Variants in POLR1A observed in about 807,000 individuals in gnomAD.
The protein encoded by POLR1A is RNA polymerase I subunit A.
A neutral mutation model predicts 205.3 loss-of-function variants in POLR1A; 84 were observed. The observed-to-expected ratio is 0.41, with a 90% CI of 0.34 to 0.49. The LOEUF (loss-of-function observed/expected upper bound fraction) is 0.49, where lower values mean the gene tolerates loss of function less well. POLR1A is among the 20% of genes least tolerant of loss of function. The pLI is 0.22. For synonymous variants in POLR1A, 799 were observed against 863.7 expected, an observed-to-expected ratio of 0.93 and a Z score of 1.31; for missense variants, 1,645 against 2,204.5, an observed-to-expected ratio of 0.75 and a Z score of 5.08.
At chr2:86,060,411 G>A (rs959467041) in intron 14 of POLR1A, among the ~76,000 whole-genome samples, 6 of 152,140 alleles carry the variant, frequency 3.9e-5, no homozygotes, top group Admixed American at 3.9e-4. Context: ...TATCAAGGCA[G>A]TCTTGAAGAA....
In POLR1A at chr2:86,051,050, A is replaced by C. The variant is rs555226415; in HGVS notation, c.2392+1767T>G. Among the ~76,000 whole-genome samples the C allele has an allele frequency of 4.6e-5, 7 of 152,346 alleles. No individual in the cohort carries two copies. The South Asian group carries it at 1.5e-3, about 32-fold the overall frequency. On this transcript the variant is annotated intron_variant, in intron 16 of 33. Coordinates refer to ENST00000263857, the MANE Select transcript of POLR1A (RefSeq NM_015425.6). ...ATGCTCATCCCAGCAATAATGTGAA[A>C]ATCTGGACGCAGCCTAAATGTTTAA... is the stretch of plus-strand genomic sequence containing the variant.
rs1481490808 is a variant in POLR1A, at chr2:86,033,780, T to G, written c.4042A>C (p.Lys1348Gln). Residue 1348 changes from lysine (K) to glutamine (Q), a missense_variant, in exon 28 of 34, where the codon AAA becomes CAA. Physicochemically the swap from Lys to Gln is moderately conservative, Grantham distance 53. Coordinates refer to ENST00000263857, the MANE Select transcript of POLR1A (RefSeq NM_015425.6). ...TTTTTGATGGATTCCATCAGAAGTT[T>G]AAAGAATCTAAAACAAGAAGAAAGC... ...ILRFMETRFFKLLMESIKKKN... is the reference protein window; with the variant it reads ...ILRFMETRFFQLLMESIKKKN... 3.7e-6 allele frequency: 6 copies of G among 1,613,958 alleles called. No individual in the cohort carries two copies. The highest frequency in any genetic ancestry group is 5.1e-6 in the Non-Finnish European group (6 of 1,180,000).
intron 24 of POLR1A, 28 bp from the exon 25 acceptor site, chr2:86,040,587 G>T (rs1396721731): frequency 6.7e-7 from 1 of 1,501,714 alleles, no homozygotes; most frequent in South Asian, 1.3e-5. Flanking sequence ...GGGTCAGGGT[G>T]GGGGTTGTGG....
At chr2:86,082,007 T>A (rs1673412514) in intron 7 of POLR1A, among the ~76,000 whole-genome samples, 1 of 145,842 alleles carries the variant, frequency 6.9e-6, no homozygotes, top group Non-Finnish European at 1.5e-5. Flanking sequence ...AATTTTTGTA[T>A]TTTTTTTTTT....
rs1409698818 is a variant in POLR1A at position 86,020,753 on chromosome 2, T to C, written c.*6670A>G. On this transcript the variant is annotated 3_prime_UTR_variant, in exon 34 of 34. Transcript: ENST00000263857. Reference sequence around the variant, plus strand: ...TCCTGTGGACTGTAGTTTAGCAGCATCTCTAGCCTCCACTCCCTAGATGCC... The same window carrying C: ...TCCTGTGGACTGTAGTTTAGCAGCACCTCTAGCCTCCACTCCCTAGATGCC... 6.6e-6 allele frequency: 1 copy of C among 152,142 alleles called. No individual in the cohort carries two copies. The highest frequency in any genetic ancestry group is 1.5e-5 in the Non-Finnish European group (1 of 68,024). The allele number at this position is 152,142 out of a possible 1,614,324, so 9.4% of individuals were successfully genotyped here.
At chr2:86,053,393 G>A (rs558011939) in intron 15 of POLR1A, among the ~76,000 whole-genome samples, 1 of 152,220 alleles carries the variant, frequency 6.6e-6, no homozygotes, top group South Asian at 2.1e-4. Flanking sequence ...TAGTTACAAG[G>A]TCTTCCTGAA....
intron 18 of POLR1A, among the ~76,000 whole-genome samples, chr2:86,047,686 G>A (rs1009690827): frequency 6.6e-5 from 10 of 152,204 alleles, no homozygotes; most frequent in Admixed American, 1.3e-4. Context: ...ACCAACATCC[G>A]CATCATGTCA....
rs1436751991 is a variant in POLR1A at position 86,032,384 on chromosome 2, T to C, written c.4162-2A>G. 1 of 1,600,536 alleles carries C rather than the reference T, an allele frequency of 6.2e-7. No homozygotes were observed. The highest frequency in any genetic ancestry group is 8.6e-7 in the Non-Finnish European group (1 of 1,167,672). ...TTCCTCATCACCCTCCTGCTCTCCCTGTGGTTTGTGGGCAAGGAAGAAAAA... is the reference window on the plus strand; with the variant it reads ...TTCCTCATCACCCTCCTGCTCTCCCCGTGGTTTGTGGGCAAGGAAGAAAAA... On this transcript the variant is annotated splice_acceptor_variant, in intron 28 of 33. Coordinates refer to ENST00000263857, the MANE Select transcript of POLR1A (RefSeq NM_015425.6). LOFTEE classifies it high-confidence loss of function.
intron 23 of POLR1A, among the ~76,000 whole-genome samples, chr2:86,042,720 C>A (rs1672635599): frequency 6.6e-6 from 1 of 152,214 alleles, no homozygotes; most frequent in African/African-American, 2.4e-5. Flanking sequence ...ATGACTGCTC[C>A]CCATTCCTTC....
chr2:86,083,044 G>C lies in POLR1A; in HGVS notation c.817+38C>G, dbSNP rs773640818. 2.2e-5 allele frequency: 32 copies of C among 1,448,892 alleles called. No homozygotes were observed. The South Asian group carries it at 3.5e-4, about 16-fold the overall frequency. The allele number at this position is 1,448,892 out of a possible 1,614,324, so 89.8% of individuals were successfully genotyped here. Reference sequence around the variant, plus strand: ...AATGAGTCCAGGAAATAAAAGCCTAGAGAAGATCAAGGCTATTTCTTTAGC... The same window carrying C: ...AATGAGTCCAGGAAATAAAAGCCTACAGAAGATCAAGGCTATTTCTTTAGC... On this transcript the variant is annotated intron_variant, in intron 7 of 33. Coordinates refer to ENST00000263857, the MANE Select transcript of POLR1A (RefSeq NM_015425.6).
intron 14 of POLR1A, among the ~76,000 whole-genome samples, chr2:86,054,537 C>T (rs1319855373): frequency 6.6e-6 from 1 of 152,194 alleles, no homozygotes; most frequent in Non-Finnish European, 1.5e-5. Flanking sequence ...GGGATTTTTA[C>T]TCCCTAAAAT....
rs933812874 is a variant in POLR1A at position 86,026,450 on chromosome 2, C to G, written c.*973G>C. On this transcript the variant is annotated 3_prime_UTR_variant, in exon 34 of 34. Transcript: ENST00000263857. ...GAAGCTAGCCTCTGGTTTTACAAAG[C>G]CTTTGTATAAGTCCTCTCTGTCTTT... is the stretch of plus-strand genomic sequence containing the variant. The G allele has an allele frequency of 1.3e-5, 2 of 152,186 alleles. No individual in the cohort carries two copies. Among genetic ancestry groups the G allele is most frequent in the Non-Finnish European group, 2.9e-5 (2 of 68,040 alleles). The allele number at this position is 152,186 out of a possible 1,614,324, so 9.4% of individuals were successfully genotyped here.
intron 6 of POLR1A, among the ~76,000 whole-genome samples, chr2:86,086,436 C>T (rs1391710146): frequency 5.3e-5 from 8 of 152,342 alleles, no homozygotes; most frequent in South Asian, 2.1e-4. Flanking sequence ...GTCAGACCCA[C>T]GCTGAGGCTG....
At position 86,035,475 on chromosome 2, in the gene POLR1A, A is replaced by C. The variant is rs1343306464; in HGVS notation, c.4035-1688T>G. ...TCACTCTCACTCTGCACCCGAGGCT[A>C]CTGTGCAGAGCAGAGGAGATGGAAT... On this transcript the variant is annotated intron_variant, in intron 27 of 33. Transcript: ENST00000263857. 2.0e-5 allele frequency among the ~76,000 whole-genome samples: 3 copies of C among 152,302 alleles called. No individual in the cohort carries two copies. The East Asian group carries it at 5.8e-4, about 29-fold the overall frequency.
intron 9 of POLR1A, among the ~76,000 whole-genome samples, chr2:86,079,317 T>A (rs566643623): frequency 6.6e-6 from 1 of 152,208 alleles, no homozygotes; most frequent in Admixed American, 6.5e-5. Flanking sequence ...TCACTGCTCA[T>A]GGCATTACCT....
chr2:86,046,189 C>T (rs994029057), intron 19 of POLR1A, among the ~76,000 whole-genome samples: 8 of 151,948 alleles, frequency 5.3e-5, no homozygotes, highest in African/African-American at 1.5e-4. Flanking sequence ...TAGCACTTTG[C>T]GGGGCTGAGG....
In POLR1A at chr2:86,070,300, T is replaced by A. The variant is rs745898607; in HGVS notation, c.1612-28A>T. On this transcript the variant is annotated intron_variant, in intron 12 of 33. Coordinates refer to ENST00000263857, the MANE Select transcript of POLR1A (RefSeq NM_015425.6). This position sits in a 1 kb window ranked among gnomAD's most constrained non-coding sequence, Gnocchi z 4.4. Reference sequence around the variant, plus strand: ...GGGAACAGAGTGGACAGGTGGGTGATCAGTGCAAACGTCAGTATCACCACG... The same window carrying A: ...GGGAACAGAGTGGACAGGTGGGTGAACAGTGCAAACGTCAGTATCACCACG... 1 of 1,586,236 alleles carries A rather than the reference T, an allele frequency of 6.3e-7. No homozygotes were observed. The highest frequency in any genetic ancestry group is 1.2e-5 in the South Asian group (1 of 85,778).
intron 14 of POLR1A, among the ~76,000 whole-genome samples, chr2:86,059,336 G>A (rs967966660): frequency 1.1e-4 from 16 of 152,162 alleles, no homozygotes; most frequent in Non-Finnish European, 2.1e-4. Context: ...ATATAATGGA[G>A]TTCCCTTTGG....
At chr2:86,045,480 C>G in intron 20 of POLR1A, 120 bp from the exon 21 acceptor site, 1 of 1,255,974 alleles carries the variant, frequency 8.0e-7, no homozygotes, top group Non-Finnish European at 1.2e-6. Context: ...CTTCCCTGAT[C>G]TCCTAGGACT....
Sources: allele counts gnomAD v4.1 joint callset (sites outside exome capture counted in the v4.1 genomes callset), GRCh38; gene constraint gnomAD v4.1.1; non-coding constraint Gnocchi (gnomAD v3.1); transcripts MANE v1.5; gene names NCBI Gene and HGNC (gene_info 2026-07-23, HGNC 2026-07-21).